C5orf22: variants seen among roughly 807,000 people sequenced by gnomAD.
C5orf22 encodes chromosome 5 open reading frame 22, also known as UPF0489 protein C5orf22.
A neutral mutation model predicts 48.7 loss-of-function variants in C5orf22; 36 were observed. The observed-to-expected ratio is 0.74, with a 90% CI of 0.57 to 0.98. C5orf22 has a LOEUF of 0.98. Among genes scored for constraint, C5orf22 ranks in the 50% least tolerant of loss-of-function variants. The pLI is 0.00. For synonymous variants in C5orf22, 141 were observed against 180.8 expected (o/e 0.78, Z 1.76); for missense variants, 486 against 521.9 (o/e 0.93, Z 0.67).
chr5:31,546,522 G>A (rs1269001679), intron 7 of C5orf22, among the ~76,000 whole-genome samples: 1 of 152,190 alleles, frequency 6.6e-6, no homozygotes, highest in Non-Finnish European at 1.5e-5. Context: ...TAAAATAAGA[G>A]ATGTCTATTT....
At chr5:31,549,306 T>G (rs1009891304) in intron 7 of C5orf22, among the ~76,000 whole-genome samples, 1 of 152,164 alleles carries the variant, frequency 6.6e-6, no homozygotes, top group African/African-American at 2.4e-5. Flanking sequence ...ACCCCCACAG[T>G]CACCTCCCAC....
rs1227360148 is a variant in C5orf22 at position 31,554,415 on chromosome 5, G to C, written c.*1513G>C. 1 of 152,110 alleles carries C rather than the reference G, an allele frequency of 6.6e-6. No homozygotes were observed. Among genetic ancestry groups the C allele is most frequent in the Non-Finnish European group, 1.5e-5 (1 of 68,022 alleles). The allele number at this position is 152,110 out of a possible 1,614,324, so 9.4% of individuals were successfully genotyped here. ...GGATTCTATTTTCCAGTGAATTTTT[G>C]TCACCGAGTTAATTTCCCAAGTCTG... On this transcript the variant is annotated 3_prime_UTR_variant, in exon 9 of 9. Coordinates refer to ENST00000325366, the MANE Select transcript of C5orf22 (RefSeq NM_018356.3).
chr5:31,535,043 C>T (rs1259412276), intron 2 of C5orf22: 1 of 452,602 alleles, frequency 2.2e-6, no homozygotes, highest in Admixed American at 2.4e-5. Flanking sequence ...AAGATTCAGG[C>T]TTTCACAGGC....
chr5:31,548,990 C>G (rs1743073711), intron 7 of C5orf22, among the ~76,000 whole-genome samples: 1 of 152,084 alleles, frequency 6.6e-6, no homozygotes, highest in Non-Finnish European at 1.5e-5. Flanking sequence ...GAGGCCGAAG[C>G]GAGCAGATCA....
intron 6 of C5orf22, among the ~76,000 whole-genome samples, chr5:31,543,071 A>G (rs1056205722): frequency 2.2e-4 from 33 of 152,246 alleles, no homozygotes; most frequent in African/African-American, 8.0e-4. Flanking sequence ...GATGAAGTAT[A>G]TGAGTGAGAA....
chr5:31,541,105 AGTGTGTGTGTGTGTGTGTGTGTGT>A lies in C5orf22; in HGVS notation c.870+115_871-132del, dbSNP rs35650579. 8 of 677,108 alleles carry A rather than the reference AGTGTGTGTGTGTGTGTGTGTGTGT, an allele frequency of 1.2e-5. 1 individual carries two copies. In the Middle Eastern group the frequency reaches 1.2e-3, roughly 99 times the overall value. 41.9% of individuals were successfully genotyped at this position (677,108 alleles called of 1,614,324 possible). ...CACAGTGATCTCAAAGACTGCTCAA[AGTGTGTGTGTGTGTGTGTGTGTGT>A]GTGTGTGTGTGTGTGTGTGTATTGG... On this transcript the variant is annotated intron_variant, in intron 5 of 8. Coordinates refer to ENST00000325366, the MANE Select transcript of C5orf22 (RefSeq NM_018356.3).
Position 31,551,300 on chromosome 5 carries a change from A to G in C5orf22, c.1067A>G (p.Gln356Arg). 6.2e-7 allele frequency: 1 copy of G among 1,613,008 alleles called. No homozygotes were observed. Among genetic ancestry groups the G allele is most frequent in the Non-Finnish European group, 8.5e-7 (1 of 1,179,652 alleles). Residue 356 changes from glutamine to arginine, a missense_variant, in exon 8 of 9, where the codon CAG (glutamine) becomes CGG (arginine). This residue lies in a region of C5orf22 where 408 missense variants were observed against 444.0 expected (regional missense o/e 0.92). Transcript: ENST00000325366. ...TAATTGTCTTATTTTCAGGTTCACCAGGCTGGTTTAACCTGCGATTATTCA... is the reference window on the plus strand; with the variant it reads ...TAATTGTCTTATTTTCAGGTTCACCGGGCTGGTTTAACCTGCGATTATTCA... ...MEVPDYEMVHQAGLTCDYSEL... is the reference protein window; with the variant it reads ...MEVPDYEMVHRAGLTCDYSEL...
At chr5:31,536,938 T>G (rs1222971538) in intron 3 of C5orf22, among the ~76,000 whole-genome samples, 1 of 152,234 alleles carries the variant, frequency 6.6e-6, no homozygotes, top group Admixed American at 6.5e-5. Context: ...TTGAAAATGA[T>G]ACTTTATTTC....
chr5:31,551,720 G>A (rs759571265), intron 8 of C5orf22, among the ~76,000 whole-genome samples: 3 of 152,132 alleles, frequency 2.0e-5, no homozygotes, highest in East Asian at 1.9e-4. Flanking sequence ...GCCTTTAGAA[G>A]CTAGAAAAGG....
chr5:31,534,720 T>C, intron 2 of C5orf22: 1 of 329,040 alleles, frequency 3.0e-6, no homozygotes, highest in Non-Finnish European at 5.8e-6. Flanking sequence ...CCAATAAAGC[T>C]TTATTTACAA....
intron 6 of C5orf22, among the ~76,000 whole-genome samples, chr5:31,542,377 G>C (rs956578478): frequency 1.3e-5 from 2 of 151,136 alleles, no homozygotes; most frequent in Non-Finnish European, 2.9e-5. Flanking sequence ...GGAAAATGGC[G>C]TGAATCCGGG....
At position 31,535,906 on chromosome 5, in the gene C5orf22, T is replaced by C. The variant is rs754861803; in HGVS notation, c.377+13T>C. ...CCACAACAATCAGGTAATTTCCTCA[T>C]ATTTGTGAATATGGAAGTGATTGAA... On this transcript the variant is annotated intron_variant, in intron 3 of 8. Coordinates refer to ENST00000325366, the MANE Select transcript of C5orf22 (RefSeq NM_018356.3). 2.5e-6 allele frequency: 4 copies of C among 1,608,730 alleles called. No individual in the cohort carries two copies. Among genetic ancestry groups the C allele is most frequent in the African/African-American group, 1.3e-5 (1 of 74,784 alleles).
intron 4 of C5orf22, among the ~76,000 whole-genome samples, chr5:31,539,116 C>T (rs1278892519): frequency 1.3e-5 from 2 of 151,950 alleles, no homozygotes; most frequent in African/African-American, 4.8e-5. Flanking sequence ...AATAACAATA[C>T]AAGAGTAAAA....
At chr5:31,536,247 G>C (rs775260855) in intron 3 of C5orf22, among the ~76,000 whole-genome samples, 1 of 152,154 alleles carries the variant, frequency 6.6e-6, no homozygotes, top group Non-Finnish European at 1.5e-5. Context: ...TGAATTTGCC[G>C]CAGTGGCTCA....
rs189377044 is a variant in C5orf22 at position 31,539,667 on chromosome 5, G to A, written c.807+978G>A. ...TTTGGTACAATGGACTTTTTAAAAA[G>A]CATATATTAAACTTTATTATTTAGT... On this transcript the variant is annotated intron_variant, in intron 4 of 8. Transcript: ENST00000325366. Among the ~76,000 whole-genome samples, 4 of 152,184 alleles carry A rather than the reference G, an allele frequency of 2.6e-5. No individual in the cohort carries two copies. In the East Asian group the frequency reaches 7.7e-4, roughly 29 times the overall value.
At chr5:31,544,213 G>A (rs994759443) in intron 6 of C5orf22, among the ~76,000 whole-genome samples, 8 of 152,142 alleles carry the variant, frequency 5.3e-5, no homozygotes, top group Admixed American at 5.2e-4. Flanking sequence ...GTGAATATTT[G>A]TGGAGGAGGA....
intron 1 of C5orf22, 51 bp downstream of exon 1, chr5:31,532,524 G>A: frequency 2.7e-6 from 4 of 1,505,450 alleles, no homozygotes; most frequent in Non-Finnish European, 3.7e-6. Context: ...AAGCCCTGAC[G>A]CTCAGAGGGC....
Position 31,553,117 on chromosome 5 carries a change from G to T in C5orf22, c.*215G>T. ...CATAACCCCAACTGATAGAACTGTT[G>T]CTTATCTGTCTTCCTTAAGTATTTT... On this transcript the variant is annotated 3_prime_UTR_variant, in exon 9 of 9. Coordinates refer to ENST00000325366, the MANE Select transcript of C5orf22 (RefSeq NM_018356.3). 1 of 370,782 alleles carries T rather than the reference G, an allele frequency of 2.7e-6. No homozygotes were observed. Among genetic ancestry groups the T allele is most frequent in the South Asian group, 5.8e-5 (1 of 17,100 alleles). The allele number at this position is 370,782 out of a possible 1,614,324, so 23.0% of individuals were successfully genotyped here.
rs75905859 is a variant in C5orf22, at chr5:31,550,659, G to A, written c.1060-634G>A. 0.018 allele frequency among the ~76,000 whole-genome samples: 2,708 copies of A among 152,094 alleles called. 137 individuals carry two copies. The East Asian group carries it at 0.2, about 11-fold the overall frequency. The stretch of plus-strand genomic sequence containing the variant: ...TGGCTCACTGTAACCTCTGCCTCCC[G>A]TGTTCAAGTGATTCTCCTGCCTTAG... On this transcript the variant is annotated intron_variant, in intron 7 of 8. Transcript: ENST00000325366.
Sources: gnomAD v4.1 joint callset for allele counts (sites outside exome capture counted in the v4.1 genomes callset) on GRCh38, gnomAD v4.1.1 for gene constraint, gnomAD v4.1.1 regional missense constraint, MANE v1.5 for transcripts, NCBI Gene and HGNC (gene_info 2026-07-23, HGNC 2026-07-21) for gene names.